Variants in PLXNA4 observed in about 807,000 individuals in gnomAD.
PLXNA4 encodes plexin A4, also known as plexin-A4.
A neutral mutation model predicts 191.8 loss-of-function variants in PLXNA4; 44 were observed. The ratio of observed to expected loss-of-function variants is 0.23; its 90% CI spans 0.18 to 0.29. The LOEUF (loss-of-function observed/expected upper bound fraction) is 0.29, where lower values mean the gene tolerates loss of function less well. Among genes scored for constraint, PLXNA4 ranks in the 10% least tolerant of loss-of-function variants. PLXNA4 has a pLI of 1.00. For missense variants in PLXNA4, 1,800 were observed against 2,488.8 expected (o/e 0.72, Z 5.89); for synonymous variants, 1,082 against 1,009.5 (o/e 1.07, Z -1.36).
At chr7:132,391,779 C>T (rs557199104) in intron 3 of PLXNA4, among the ~76,000 whole-genome samples, 5 of 152,190 alleles carry the variant, frequency 3.3e-5, no homozygotes, top group Admixed American at 6.5e-5. Context: ...GGGAGGCCAC[C>T]GAGGCAGACT....
intron 25 of PLXNA4, among the ~76,000 whole-genome samples, chr7:132,150,686 G>A (rs1227375215): frequency 6.6e-6 from 1 of 152,360 alleles, no homozygotes; most frequent in East Asian, 1.9e-4. Context: ...TGCCAGTGGA[G>A]AGACAGCCCT....
intron 1 of PLXNA4, among the ~76,000 whole-genome samples, chr7:132,552,651 G>T (rs4728260): frequency 2.0e-5 from 3 of 152,166 alleles, no homozygotes; most frequent in African/African-American, 7.2e-5. Flanking sequence ...TACCCGAGCC[G>T]CTGCTCACTG....
At chr7:132,437,845 G>C (rs1447996622) in intron 3 of PLXNA4, among the ~76,000 whole-genome samples, 1 of 152,210 alleles carries the variant, frequency 6.6e-6, no homozygotes, top group African/African-American at 2.4e-5. Context: ...AGCCTGACAA[G>C]CCCATGTGAT....
chr7:132,570,309 C>T (rs1182693961), intron 1 of PLXNA4, among the ~76,000 whole-genome samples: 1 of 152,170 alleles, frequency 6.6e-6, no homozygotes, highest in Non-Finnish European at 1.5e-5. Context: ...CATTAGCTGA[C>T]ATTCCAGGCA....
chr7:132,412,557 C>T (rs557309103), intron 3 of PLXNA4, among the ~76,000 whole-genome samples: 86 of 152,306 alleles, frequency 5.6e-4, no homozygotes, highest in Non-Finnish European at 1.0e-3. Context: ...TTAGTGTTAC[C>T]AGCATAGAGG....
intron 1 of PLXNA4, among the ~76,000 whole-genome samples, chr7:132,528,318 G>T (rs1799489848): frequency 6.6e-6 from 1 of 152,186 alleles, no homozygotes; most frequent in South Asian, 2.1e-4. Context: ...CAGCCTCCTA[G>T]TCCCGATCCA....
intron 30 of PLXNA4, among the ~76,000 whole-genome samples, chr7:132,139,196 A>G (rs1795196823): frequency 6.6e-6 from 1 of 152,180 alleles, no homozygotes; most frequent in African/African-American, 2.4e-5. Flanking sequence ...ATCAGTAGGA[A>G]AGGAGGAGAG....
At chr7:132,543,320 T>G (rs931185645) in intron 1 of PLXNA4, among the ~76,000 whole-genome samples, 9 of 152,224 alleles carry the variant, frequency 5.9e-5, no homozygotes, top group Non-Finnish European at 1.3e-4. Flanking sequence ...CTCCAGCTTG[T>G]GTCCTGTAAT....
chr7:132,541,956 A>C (rs1333208346), intron 1 of PLXNA4, among the ~76,000 whole-genome samples: 1 of 152,264 alleles, frequency 6.6e-6, no homozygotes. Flanking sequence ...CACTTCCTCT[A>C]GATGAAATGG....
chr7:132,151,355 A>G (rs62639088), intron 25 of PLXNA4, among the ~76,000 whole-genome samples: 832 of 28,282 alleles, frequency 0.029, 9 homozygotes, highest in African/African-American at 0.06. Context: ...GAGGAAGAAG[A>G]AGGAGGAGGA....
chr7:132,464,416 G>A (rs529153040), intron 3 of PLXNA4, among the ~76,000 whole-genome samples: 36 of 152,250 alleles, frequency 2.4e-4, no homozygotes, highest in Admixed American at 5.2e-4. Context: ...TGATTGCTGG[G>A]TCTCCACTCT....
chr7:132,627,191 C>T (rs897866136), intron 2 of PLXNA4, among the ~76,000 whole-genome samples: 14 of 152,298 alleles, frequency 9.2e-5, no homozygotes, highest in Middle Eastern at 3.4e-3. Flanking sequence ...ACACCCATCC[C>T]ATCACCTTCT....
Position 132,508,170 on chromosome 7 carries a change from G to A in PLXNA4, c.524C>T (p.Ser175Phe). The change falls in exon 2 of 32, where the codon TCC becomes TTC. Residue 175 changes from serine to phenylalanine, a missense_variant. By Grantham distance (155) the Ser-to-Phe change is radical. Around this residue, in one of 6 missense-constraint regions of PLXNA4, gnomAD observed 1,397 missense variants for 1,880.4 expected, o/e 0.74. Coordinates refer to ENST00000321063, the MANE Select transcript of PLXNA4 (RefSeq NM_020911.2). This position sits in a 1 kb window ranked among gnomAD's most constrained non-coding sequence, Gnocchi z 4.4. ...ESGSVFGVIV[S>F]YSNLDDKLFI... ...CAGCTTGTCATCCAGGTTGCTGTAG[G>A]AGACGATCACTCCAAAGACTGAGCC... The A allele has an allele frequency of 6.2e-7, 1 of 1,614,182 alleles. No homozygotes were observed. Among genetic ancestry groups the A allele is most frequent in the Non-Finnish European group, 8.5e-7 (1 of 1,180,026 alleles).
chr7:132,167,527 T>C (rs545706714), intron 22 of PLXNA4, among the ~76,000 whole-genome samples: 240 of 152,250 alleles, frequency 1.6e-3, no homozygotes, highest in Non-Finnish European at 2.4e-3. Flanking sequence ...TCTGCATTTA[T>C]TTATTTATTT....
chr7:132,261,889 C>A (rs1020157171), intron 4 of PLXNA4, among the ~76,000 whole-genome samples: 1 of 152,196 alleles, frequency 6.6e-6, no homozygotes, highest in African/African-American at 2.4e-5. Context: ...AGCACCTACA[C>A]ACACAGTCCC....
chr7:132,132,478 C>CTTTCTAT lies in PLXNA4; in HGVS notation c.5589+570_5589+571insATAGAAA, dbSNP rs1563048426. The stretch of plus-strand genomic sequence containing the variant: ...TTCTGTTCTGTTCTGCTCTGCTCTG[C>CTTTCTAT]TCTGCTCTGCTCTATTCTTTTCTAT... On this transcript the variant is annotated intron_variant, in intron 31 of 31. Transcript: ENST00000321063. 2.1e-3 allele frequency among the ~76,000 whole-genome samples: 133 copies of CTTTCTAT among 62,574 alleles called. 4 individuals carry two copies. The highest frequency in any genetic ancestry group is 4.2e-3 in the East Asian group (8 of 1,926). The allele number at this position is 62,574 out of a possible 152,430, so 41.1% of individuals were successfully genotyped here.
chr7:132,187,621 A>T lies in PLXNA4; in HGVS notation c.2857-14T>A, dbSNP rs1198835887. On this transcript the variant is annotated splice_polypyrimidine_tract_variant and intron_variant, in intron 14 of 31. Transcript: ENST00000321063. Reference sequence around the variant, plus strand: ...GAGAGTCAGTGTCTGTGTAGAAAGGATGTGGCCTGAGACACAACCAGGAAG... The same window carrying T: ...GAGAGTCAGTGTCTGTGTAGAAAGGTTGTGGCCTGAGACACAACCAGGAAG... The T allele has an allele frequency of 6.2e-7, 1 of 1,605,168 alleles. No individual in the cohort carries two copies. Among genetic ancestry groups the T allele is most frequent in the Admixed American group, 1.7e-5 (1 of 59,390 alleles).
In PLXNA4 at chr7:132,605,404, C is replaced by G. The variant is rs114855823; in HGVS notation, c.-87+40524G>C. 5.4e-3 allele frequency among the ~76,000 whole-genome samples: 827 copies of G among 152,182 alleles called. 5 individuals are homozygous for G. The highest frequency in any genetic ancestry group is 0.019 in the African/African-American group (800 of 41,506). On this transcript the variant is annotated intron_variant, in intron 2 of 4. Transcript: ENST00000378539. ...AGTGATAGAGTCAACAGATCTTTGT[C>G]CCCAGGATTTGGGGACAAGGCAGAA...
chr7:132,196,300 T>C (rs1584827833), intron 13 of PLXNA4, among the ~76,000 whole-genome samples: 1 of 152,366 alleles, frequency 6.6e-6, no homozygotes, highest in South Asian at 2.1e-4. Context: ...CCATGTGTAA[T>C]ATCCAGTGTC....
Sources: allele counts gnomAD v4.1 joint callset (sites outside exome capture counted in the v4.1 genomes callset), GRCh38; gene constraint gnomAD v4.1.1; regional missense constraint gnomAD v4.1.1; non-coding constraint Gnocchi (gnomAD v3.1); transcripts MANE v1.5; gene names NCBI Gene and HGNC (gene_info 2026-07-23, HGNC 2026-07-21).